Variants in ATAD2 observed in about 807,000 individuals in gnomAD.
ATAD2 encodes the protein ATPase family AAA domain containing 2, also known as ATPase family AAA domain-containing protein 2.
ATAD2 carries 62 observed loss-of-function variants against 168.9 expected under a neutral mutation model. The observed-to-expected ratio is 0.37, with a 90% CI of 0.30 to 0.45. The LOEUF is 0.45. Among genes scored for constraint, ATAD2 ranks in the 20% least tolerant of loss-of-function variants. The pLI is 1.00. For missense variants in ATAD2, 1,419 were observed against 1,667.8 expected, an observed-to-expected ratio of 0.85 and a Z score of 2.60; for synonymous variants, 613 against 571.6, an observed-to-expected ratio of 1.07 and a Z score of -1.03.
At chr8:123,372,993 C>T (rs183527090) in intron 2 of ATAD2, among the ~76,000 whole-genome samples, 2 of 151,496 alleles carry the variant, frequency 1.3e-5, no homozygotes, top group Non-Finnish European at 2.9e-5. Flanking sequence ...CCTGGGTTCA[C>T]GCCATTCTCC....
upstream of ATAD2, among the ~76,000 whole-genome samples, chr8:123,399,452 GTAAA>G (rs1296584922): frequency 7.2e-5 from 11 of 152,142 alleles, no homozygotes; most frequent in Non-Finnish European, 1.6e-4. Flanking sequence ...AAACAAGGAA[GTAAA>G]TAAACAAGGT....
chr8:123,397,936 G>A (rs879576414), upstream of ATAD2, among the ~76,000 whole-genome samples: 8 of 152,080 alleles, frequency 5.3e-5, no homozygotes, highest in Non-Finnish European at 7.4e-5. Context: ...GGAGAGTGGC[G>A]AGGCCAATGA....
At chr8:123,332,330 C>T (rs1394756206) in intron 24 of ATAD2, among the ~76,000 whole-genome samples, 2 of 151,960 alleles carry the variant, frequency 1.3e-5, no homozygotes, top group Non-Finnish European at 2.9e-5. Context: ...AATGAATATC[C>T]ACCAACAGAA....
intron 1 of ATAD2, among the ~76,000 whole-genome samples, chr8:123,415,528 CTGTAAAG>C (rs142021193): frequency 3.1e-3 from 476 of 152,318 alleles, no homozygotes; most frequent in Middle Eastern, 0.017. Flanking sequence ...ATTCAGAAGA[CTGTAAAG>C]TGTAAAGACC....
Position 123,392,331 on chromosome 8 carries a change from G to A in ATAD2, c.171+3856C>T, listed in dbSNP as rs145138847. On this transcript the variant is annotated intron_variant, in intron 1 of 27. Transcript: ENST00000287394. Reference sequence around the variant, plus strand: ...GTGCTAGGAGAGGCATGTCAGGAGAGTGGTTTGTAATTTTAAATATGGTGC... The same window carrying A: ...GTGCTAGGAGAGGCATGTCAGGAGAATGGTTTGTAATTTTAAATATGGTGC... Among the ~76,000 whole-genome samples the A allele has an allele frequency of 2.4e-4, 37 of 152,258 alleles. 1 individual carries two copies. In the East Asian group the frequency reaches 6.6e-3, roughly 27 times the overall value.
At chr8:123,325,832 A>G in intron 26 of ATAD2, 61 bp downstream of exon 26, 1 of 1,579,108 alleles carries the variant, frequency 6.3e-7, no homozygotes, top group Non-Finnish European at 8.6e-7. Context: ...ACTAGTCACA[A>G]GCCAGTGTTT....
chr8:123,358,950 C>T (rs1828728345), intron 11 of ATAD2, among the ~76,000 whole-genome samples: 1 of 148,632 alleles, frequency 6.7e-6, no homozygotes, highest in Non-Finnish European at 1.5e-5. Context: ...GTAATCCACC[C>T]GCCTTGGCCC....
intron 27 of ATAD2, among the ~76,000 whole-genome samples, chr8:123,321,949 T>C (rs962544097): frequency 6.6e-6 from 1 of 151,790 alleles, no homozygotes; most frequent in Admixed American, 6.6e-5. Flanking sequence ...TAATTAACAC[T>C]ATAATACCTA....
intron 4 of ATAD2, 76 bp downstream of exon 4, chr8:123,371,594 G>T: frequency 7.4e-7 from 1 of 1,348,462 alleles, no homozygotes; most frequent in Non-Finnish European, 1.0e-6. Flanking sequence ...GTTTGGGCTG[G>T]TTGAAATCCA....
intron 19 of ATAD2, 104 bp downstream of exon 19, chr8:123,344,780 T>C (rs537188333): frequency 4.8e-4 from 607 of 1,277,298 alleles, no homozygotes; most frequent in Non-Finnish European, 6.1e-4. Flanking sequence ...AAACTTATCC[T>C]TTTATTCACT....
upstream of ATAD2, among the ~76,000 whole-genome samples, chr8:123,397,918 C>A (rs1392890051): frequency 6.6e-6 from 1 of 152,042 alleles, no homozygotes. Flanking sequence ...AGGCGGGAAG[C>A]AGGAAGGGGA....
intron 26 of ATAD2, among the ~76,000 whole-genome samples, chr8:123,324,107 C>T (rs1179979000): frequency 6.6e-6 from 1 of 152,166 alleles, no homozygotes; most frequent in African/African-American, 2.4e-5. Flanking sequence ...TTCAGTTCCA[C>T]ATATATTTTT....
chr8:123,347,334 T>C lies in ATAD2; in HGVS notation c.1970A>G (p.Gln657Arg), dbSNP rs372348069. Residue 657 changes from glutamine to arginine, a missense_variant, in exon 16 of 28, where the codon CAG becomes CGG. By Grantham distance (43) the Gln-to-Arg change is conservative (BLOSUM62 1). Coordinates refer to ENST00000287394, the MANE Select transcript of ATAD2 (RefSeq NM_014109.4). ...CAGTTTCTCACTAGTGGTATAGATC[T>C]GTGGGTAGCGTCGTCGTAAAGCACA... ...ALCALRRRYP[Q>R]IYTTSEKLQL... 12 of 1,613,842 alleles carry C rather than the reference T, an allele frequency of 7.4e-6. No individual in the cohort carries two copies. In the African/African-American group the frequency reaches 1.2e-4, roughly 16 times the overall value.
intron 2 of ATAD2, among the ~76,000 whole-genome samples, chr8:123,374,639 G>C (rs1269653052): frequency 6.6e-6 from 1 of 152,144 alleles, no homozygotes; most frequent in Non-Finnish European, 1.5e-5. Context: ...AATATTTTAA[G>C]CTTGGAAGCC....
intron 1 of ATAD2, among the ~76,000 whole-genome samples, chr8:123,382,071 A>C (rs968154732): frequency 3.9e-5 from 6 of 152,166 alleles, no homozygotes; most frequent in African/African-American, 1.2e-4. Flanking sequence ...CAAACCAAAG[A>C]TAGAAATCAA....
At chr8:123,410,349 T>C (rs1445486907) in intron 1 of ATAD2, among the ~76,000 whole-genome samples, 3 of 152,148 alleles carry the variant, frequency 2.0e-5, no homozygotes, top group Admixed American at 6.6e-5. Context: ...TGCAATGGTG[T>C]ACTCTCAGCT....
At chr8:123,371,555 T>A in intron 4 of ATAD2, 115 bp downstream of exon 4, 1 of 945,670 alleles carries the variant, frequency 1.1e-6, no homozygotes, top group Middle Eastern at 2.7e-4. Flanking sequence ...CATTCTCCTG[T>A]ACGCTTTACG....
In ATAD2 at chr8:123,411,113, T is replaced by C. The variant is rs149309088; in HGVS notation, c.-2282+5135A>G. Among the ~76,000 whole-genome samples, 868 of 152,236 alleles carry C rather than the reference T, an allele frequency of 5.7e-3. 4 individuals carry two copies. Among genetic ancestry groups the C allele is most frequent in the Non-Finnish European group, 9.5e-3 (644 of 68,022 alleles). On this transcript the variant is annotated intron_variant, in intron 1 of 28. Transcript: ENST00000521903. ...TCTTGGAAGCGGCTTGCCACCATCT[T>C]GGAAACTTTGTGAACAAGGACCCCT...
Position 123,339,298 on chromosome 8 carries a change from T to C in ATAD2, c.2854+13A>G. 6.6e-7 allele frequency: 1 copy of C among 1,515,258 alleles called. No individual in the cohort carries two copies. 93.9% of individuals were successfully genotyped at this position (1,515,258 alleles called of 1,614,324 possible). On this transcript the variant is annotated intron_variant, in intron 20 of 27. Transcript: ENST00000287394. Reference sequence around the variant, plus strand: ...CAAAATTATTAAATATTAACTTTGATATAGAAACTAACCTGCTTTCTTTTT... The same window carrying C: ...CAAAATTATTAAATATTAACTTTGACATAGAAACTAACCTGCTTTCTTTTT...
Sources: allele counts gnomAD v4.1 joint callset (sites outside exome capture counted in the v4.1 genomes callset), GRCh38; gene constraint gnomAD v4.1.1; transcripts MANE v1.5; gene names NCBI Gene and HGNC (gene_info 2026-07-23, HGNC 2026-07-21).